UBAC2: variants seen among roughly 807,000 people sequenced by gnomAD.
The protein encoded by UBAC2 is UBA domain containing 2, also known as ubiquitin-associated domain-containing protein 2.
UBAC2 carries 26 observed loss-of-function variants against 44.0 expected under a neutral mutation model. The ratio of observed to expected loss-of-function variants is 0.59; its 90% CI spans 0.43 to 0.82. UBAC2 has a LOEUF of 0.82. Ranked by LOEUF, UBAC2 falls within the 40% of genes least tolerant of loss-of-function variation. The pLI, the probability that UBAC2 is intolerant of heterozygous loss-of-function variation, is 0.00. For synonymous variants in UBAC2, 155 were observed against 154.3 expected (o/e 1.00, Z -0.04); for missense variants, 329 against 419.4 (o/e 0.78, Z 1.88).
At chr13:99,324,690 A>G (rs2044614328) in intron 6 of UBAC2, among the ~76,000 whole-genome samples, 1 of 152,184 alleles carries the variant, frequency 6.6e-6, no homozygotes, top group Admixed American at 6.5e-5. Context: ...GGCACAGGGA[A>G]ATTAACTACA....
At chr13:99,238,304 CAG>C (rs2043262724) in intron 1 of UBAC2, 121 bp from the exon 2 acceptor site, 3 of 1,306,492 alleles carry the variant, frequency 2.3e-6, no homozygotes, top group African/African-American at 2.9e-5. Context: ...AACCAAATTT[CAG>C]AGTTTCTGGA....
intron 4 of UBAC2, among the ~76,000 whole-genome samples, chr13:99,280,806 CCCTTCTTCCTT>C (rs2043943123): frequency 6.6e-6 from 1 of 151,370 alleles, no homozygotes; most frequent in African/African-American, 2.4e-5. Context: ...TTCCTTCCCT[CCCTTCTTCCTT>C]CCTTCTTCTT....
intron 6 of UBAC2, among the ~76,000 whole-genome samples, chr13:99,337,090 C>T (rs2138821728): frequency 6.6e-6 from 1 of 152,290 alleles, no homozygotes; most frequent in South Asian, 2.1e-4. Flanking sequence ...ATCGTGTTTT[C>T]AGGCTTTGGG....
chr13:99,244,057 TTTAA>T (rs1361673511), intron 3 of UBAC2, 106 bp downstream of exon 3: 1 of 944,610 alleles, frequency 1.1e-6, no homozygotes, highest in African/African-American at 1.7e-5. Context: ...CAGTTATCTT[TTTAA>T]TTACACTATT....
At chr13:99,381,671 A>T (rs762619526) in intron 8 of UBAC2, among the ~76,000 whole-genome samples, 4 of 152,180 alleles carry the variant, frequency 2.6e-5, no homozygotes, top group Non-Finnish European at 4.4e-5. Flanking sequence ...CCAAGATTGG[A>T]AAGACCACCT....
At chr13:99,240,633 C>A (rs752630875) in intron 2 of UBAC2, among the ~76,000 whole-genome samples, 1 of 152,156 alleles carries the variant, frequency 6.6e-6, no homozygotes, top group African/African-American at 2.4e-5. Flanking sequence ...TATGTGCTCT[C>A]GTGTACTGCC....
intron 4 of UBAC2, chr13:99,254,579 T>C: frequency 4.7e-6 from 1 of 210,618 alleles, no homozygotes; most frequent in South Asian, 1.1e-4. Context: ...AATCAAATTA[T>C]TTTGTATGGT....
chr13:99,290,691 C>T lies in UBAC2; in HGVS notation c.390-23406C>T, dbSNP rs539604069. On this transcript the variant is annotated intron_variant, in intron 4 of 8. Transcript: ENST00000403766. ...AGTGAGCCAAGATTGCGCCACTGCA[C>T]TCCAGCCTGGGTGACAGCGAGACAC... Among the ~76,000 whole-genome samples, 15 of 148,228 alleles carry T rather than the reference C, an allele frequency of 1.0e-4. No individual in the cohort carries two copies. The South Asian group carries it at 3.2e-3, about 32-fold the overall frequency.
intron 7 of UBAC2, among the ~76,000 whole-genome samples, chr13:99,357,923 G>A (rs2045211137): frequency 1.3e-5 from 2 of 152,182 alleles, no homozygotes. Context: ...TTTCTTGAGT[G>A]CTTGCATATG....
At chr13:99,308,647 C>G (rs2044371058) in intron 4 of UBAC2, 1 of 152,172 alleles carries the variant, frequency 6.6e-6, no homozygotes, top group Non-Finnish European at 1.5e-5. Context: ...CTCCAGGATT[C>G]TGTAAAAATA....
intron 4 of UBAC2, among the ~76,000 whole-genome samples, chr13:99,302,595 A>G (rs2044271788): frequency 2.0e-5 from 3 of 152,198 alleles, no homozygotes; most frequent in Admixed American, 2.0e-4. Context: ...GCATTCAACT[A>G]GTGATTTTTC....
rs1566509471 is a variant in UBAC2, at chr13:99,338,039, C to CTTTTTTCTTTTT, written c.562-2275_562-2274insCTTTTTTTTTTT. Among the ~76,000 whole-genome samples, 39 of 91,556 alleles carry CTTTTTTCTTTTT rather than the reference C, an allele frequency of 4.3e-4. 1 individual carries two copies. The highest frequency in any genetic ancestry group is 1.1e-3 in the African/African-American group (22 of 19,856). 60.1% of individuals were successfully genotyped at this position (91,556 alleles called of 152,430 possible). On this transcript the variant is annotated intron_variant, in intron 6 of 8. Coordinates refer to ENST00000403766, the MANE Select transcript of UBAC2 (RefSeq NM_001144072.2). ...GCAAAAAAATCTCCTAACTTTTTTTCTTTTTTTCTTTTTTTTTTTTTTTTT... is the reference window on the plus strand; with the variant it reads ...GCAAAAAAATCTCCTAACTTTTTTTCTTTTTTCTTTTTTTTTTTTCTTTTTTTTTTTTTTTTT...
intron 4 of UBAC2, among the ~76,000 whole-genome samples, chr13:99,248,452 C>T (rs1204200256): frequency 1.3e-5 from 2 of 149,050 alleles, no homozygotes; most frequent in African/African-American, 2.5e-5. Context: ...AGTGCAATGG[C>T]GTGATTTCTG....
At position 99,345,346 on chromosome 13, in the gene UBAC2, G is replaced by A. The variant is rs145368676; in HGVS notation, c.807+4781G>A. On this transcript the variant is annotated intron_variant, in intron 7 of 8. Transcript: ENST00000403766. ...TATCTCAGAAAAATGTCATTTTATTGCACAGTGTAAGATGGACGGGGGAAA... is the reference window on the plus strand; with the variant it reads ...TATCTCAGAAAAATGTCATTTTATTACACAGTGTAAGATGGACGGGGGAAA... 1.1e-4 allele frequency among the ~76,000 whole-genome samples: 16 copies of A among 152,190 alleles called. No homozygotes were observed. The East Asian group carries it at 2.9e-3, about 28-fold the overall frequency.
intron 7 of UBAC2, among the ~76,000 whole-genome samples, chr13:99,348,624 A>C (rs1274302180): frequency 1.3e-5 from 2 of 152,236 alleles, no homozygotes; most frequent in Non-Finnish European, 2.9e-5. Context: ...TCCTGCCAGA[A>C]GTGGTGGATC....
At chr13:99,294,879 A>T in intron 4 of UBAC2, 1 of 551,258 alleles carries the variant, frequency 1.8e-6, no homozygotes, top group Non-Finnish European at 3.1e-6. Flanking sequence ...ATTGTGCTTT[A>T]TGTTGTTTGC....
chr13:99,355,380 T>C (rs552929040), intron 7 of UBAC2, among the ~76,000 whole-genome samples: 137 of 152,314 alleles, frequency 9.0e-4, no homozygotes, highest in Non-Finnish European at 2.8e-4. Flanking sequence ...CAGTCCTCGC[T>C]GTGTGGCCCT....
intron 4 of UBAC2, among the ~76,000 whole-genome samples, chr13:99,286,894 G>A (rs904691524): frequency 2.0e-5 from 3 of 152,138 alleles, no homozygotes; most frequent in East Asian, 1.9e-4. Context: ...ACTGATTGGA[G>A]ATGGAGACTG....
chr13:99,367,347 C>T (rs543658497), intron 7 of UBAC2, among the ~76,000 whole-genome samples: 28 of 152,262 alleles, frequency 1.8e-4, no homozygotes, highest in African/African-American at 6.5e-4. Context: ...TTTTAAGGGC[C>T]GTGATGGAAA....
Sources: gnomAD v4.1 joint callset for allele counts (sites outside exome capture counted in the v4.1 genomes callset) on GRCh38, gnomAD v4.1.1 for gene constraint, MANE v1.5 for transcripts, NCBI Gene and HGNC (gene_info 2026-07-23, HGNC 2026-07-21) for gene names.